Variants in MACROD2 observed in about 807,000 individuals in gnomAD.
MACROD2 encodes the protein ADP-ribose glycohydrolase MACROD2.
A neutral mutation model predicts 70.4 loss-of-function variants in MACROD2; 36 were observed. That is an observed-to-expected ratio of 0.51 (90% CI 0.39 to 0.68). MACROD2 has a LOEUF of 0.68. Ranked by LOEUF, MACROD2 falls within the 30% of genes least tolerant of loss-of-function variation. MACROD2 has a pLI of 0.00. For synonymous variants in MACROD2, 172 were observed against 178.8 expected, an observed-to-expected ratio of 0.96 and a Z score of 0.30; for missense variants, 496 against 538.4, an observed-to-expected ratio of 0.92 and a Z score of 0.78.
chr20:15,862,993 T>C (rs1202232286), intron 9 of MACROD2, among the ~76,000 whole-genome samples, 167 bp downstream of exon 9: 1 of 151,960 alleles, frequency 6.6e-6, no homozygotes, highest in East Asian at 1.9e-4. Context: ...ATCTAGGCTG[T>C]GGAACTCTTG....
chr20:14,118,868 C>CTCTCTT (rs1426309626), intron 3 of MACROD2, among the ~76,000 whole-genome samples: 35 of 127,016 alleles, frequency 2.8e-4, no homozygotes, highest in African/African-American at 8.1e-4. Context: ...TTTTTTTAGA[C>CTCTCTT]AGAGTCTGAC....
At chr20:14,973,748 G>A (rs1490943932) in intron 5 of MACROD2, among the ~76,000 whole-genome samples, 20 of 152,090 alleles carry the variant, frequency 1.3e-4, no homozygotes, top group Admixed American at 1.3e-3. Flanking sequence ...TGTCCCCTCT[G>A]TATGGAAGAT....
intron 2 of MACROD2, among the ~76,000 whole-genome samples, chr20:14,049,190 C>CAAAA (rs1182272964): frequency 3.0e-5 from 4 of 134,838 alleles, no homozygotes; most frequent in Non-Finnish European, 6.4e-5. Flanking sequence ...AAAAAAAAAA[C>CAAAA]AAAAAAACAA....
chr20:15,912,484 A>C (rs74662597), intron 10 of MACROD2, among the ~76,000 whole-genome samples: 2,619 of 152,336 alleles, frequency 0.017, 76 homozygotes, highest in African/African-American at 0.059. Context: ...TTATAGGTTT[A>C]AAACCTGATT....
intron 3 of MACROD2, among the ~76,000 whole-genome samples, chr20:14,322,534 A>T (rs2082673883): frequency 6.6e-6 from 1 of 152,144 alleles, no homozygotes; most frequent in Non-Finnish European, 1.5e-5. Context: ...GCAAAGTCAA[A>T]CTTCCTTCAG....
At chr20:14,256,333 G>A (rs2082056090) in intron 3 of MACROD2, among the ~76,000 whole-genome samples, 1 of 152,036 alleles carries the variant, frequency 6.6e-6, no homozygotes, top group Non-Finnish European at 1.5e-5. Context: ...TTATTTCAAA[G>A]TTCATGACTG....
intron 5 of MACROD2, among the ~76,000 whole-genome samples, chr20:14,821,078 G>A (rs544904473): frequency 6.6e-6 from 1 of 152,166 alleles, no homozygotes; most frequent in South Asian, 2.1e-4. Context: ...ATGTGCATTG[G>A]CAGTTTTCCA....
intron 4 of MACROD2, among the ~76,000 whole-genome samples, chr20:14,540,147 T>C (rs191191437): frequency 2.0e-3 from 309 of 152,340 alleles, no homozygotes; most frequent in African/African-American, 6.9e-3. Context: ...AGAGTCCCAA[T>C]TTATTAAAAA....
At chr20:14,702,323 A>G (rs1368620815) in intron 5 of MACROD2, among the ~76,000 whole-genome samples, 1 of 151,426 alleles carries the variant, frequency 6.6e-6, no homozygotes, top group African/African-American at 2.4e-5. Flanking sequence ...TCTTCTTTTC[A>G]GTCTCATTCT....
intron 6 of MACROD2, among the ~76,000 whole-genome samples, chr20:15,394,969 AAGGTGAACC>A (rs2045841907): frequency 1.3e-5 from 2 of 152,350 alleles, no homozygotes; most frequent in South Asian, 4.1e-4. Flanking sequence ...ATGTCCATCA[AAGGTGAACC>A]TAGTCTTCAA....
At chr20:14,339,025 A>G (rs1601506560) in intron 3 of MACROD2, among the ~76,000 whole-genome samples, 1 of 151,866 alleles carries the variant, frequency 6.6e-6, no homozygotes, top group Admixed American at 6.6e-5. Flanking sequence ...TCCTTTCTCA[A>G]TTTTTCCCTG....
At chr20:14,513,347 T>C (rs934090402) in intron 4 of MACROD2, among the ~76,000 whole-genome samples, 1 of 152,124 alleles carries the variant, frequency 6.6e-6, no homozygotes, top group Non-Finnish European at 1.5e-5. Flanking sequence ...TCCTAACTGA[T>C]GGGATTTAAA....
chr20:14,600,292 T>G (rs994501725), intron 4 of MACROD2, among the ~76,000 whole-genome samples: 1 of 145,282 alleles, frequency 6.9e-6, no homozygotes, highest in Non-Finnish European at 1.5e-5. Flanking sequence ...ATATTAAAGC[T>G]ATTGCTTTGG....
intron 3 of MACROD2, among the ~76,000 whole-genome samples, chr20:14,130,942 T>C (rs1410885568): frequency 1.3e-5 from 2 of 151,090 alleles, no homozygotes; most frequent in Admixed American, 6.6e-5. Flanking sequence ...TTTTTTTTTT[T>C]TTTCTTGAGA....
At chr20:15,508,175 T>C (rs935543455) in intron 8 of MACROD2, among the ~76,000 whole-genome samples, 4 of 152,144 alleles carry the variant, frequency 2.6e-5, no homozygotes, top group African/African-American at 4.8e-5. Flanking sequence ...ATATAATCAA[T>C]ATACATCCTC....
At chr20:15,973,592 C>G (rs2066262960) in intron 13 of MACROD2, among the ~76,000 whole-genome samples, 1 of 152,130 alleles carries the variant, frequency 6.6e-6, no homozygotes, top group Non-Finnish European at 1.5e-5. Context: ...GTAACAAAAG[C>G]CTCATGTATC....
At chr20:15,419,373 CAG>C in intron 6 of MACROD2, among the ~76,000 whole-genome samples, 1 of 152,142 alleles carries the variant, frequency 6.6e-6, no homozygotes, top group African/African-American at 2.4e-5. Context: ...AGTCCTCTGG[CAG>C]TTGCTGTGAG....
intron 4 of MACROD2, among the ~76,000 whole-genome samples, chr20:14,594,468 T>G (rs903666965): frequency 6.6e-6 from 1 of 152,234 alleles, no homozygotes; most frequent in Non-Finnish European, 1.5e-5. Context: ...ATTTTCCCTA[T>G]CTGCAAATAT....
At chr20:15,135,332 C>A (rs1463908070) in intron 5 of MACROD2, among the ~76,000 whole-genome samples, 1 of 151,760 alleles carries the variant, frequency 6.6e-6, no homozygotes, top group South Asian at 2.1e-4. Context: ...ACTGGCAAAG[C>A]GAATCCAGCA....
Sources: allele counts gnomAD v4.1 joint callset (sites outside exome capture counted in the v4.1 genomes callset), GRCh38; gene constraint gnomAD v4.1.1; transcripts MANE v1.5; gene names NCBI Gene and HGNC (gene_info 2026-07-23, HGNC 2026-07-21).